The following GAS2 variants were observed in gnomAD, a reference collection of about 807,000 sequenced individuals.
The protein encoded by GAS2 is growth arrest specific 2, also known as growth arrest-specific protein 2.
Under a neutral mutation model 37.5 loss-of-function variants are expected in GAS2, and 20 were observed. The observed-to-expected ratio is 0.53, with a 90% CI of 0.37 to 0.77. The LOEUF is 0.77. Ranked by LOEUF, GAS2 falls within the 30% of genes least tolerant of loss-of-function variation. The probability of loss-of-function intolerance (pLI) is 0.00; values close to 1 mark genes in which losing one functional copy is unlikely to be tolerated. For synonymous variants in GAS2, 144 were observed against 132.2 expected (o/e 1.09, Z -0.61); for missense variants, 336 against 373.4 (o/e 0.90, Z 0.82).
At chr11:22,701,477 G>A (rs950482180) in intron 3 of GAS2, among the ~76,000 whole-genome samples, 1 of 152,060 alleles carries the variant, frequency 6.6e-6, no homozygotes, top group Non-Finnish European at 1.5e-5. Context: ...TCTCTATTAG[G>A]AAGAAATGTG....
At chr11:22,644,631 T>C (rs879278914) in intron 1 of GAS2, among the ~76,000 whole-genome samples, 3 of 152,162 alleles carry the variant, frequency 2.0e-5, no homozygotes, top group Non-Finnish European at 2.9e-5. Flanking sequence ...TGTTTGTTTT[T>C]CATTTTTGAG....
intron 5 of GAS2, among the ~76,000 whole-genome samples, chr11:22,745,369 C>G (rs1053272070): frequency 6.6e-6 from 1 of 152,036 alleles, no homozygotes; most frequent in East Asian, 1.9e-4. Flanking sequence ...AGAAAGGACT[C>G]TCTTATTCAA....
chr11:22,755,766 G>T, intron 6 of GAS2, 80 bp from the exon 7 acceptor site: 2 of 913,118 alleles, frequency 2.2e-6, no homozygotes, highest in East Asian at 4.9e-5. Flanking sequence ...AAGGGTTCAG[G>T]GGCCGTGGAG....
intron 1 of GAS2, among the ~76,000 whole-genome samples, chr11:22,627,508 A>T (rs1300900301): frequency 1.3e-5 from 2 of 152,214 alleles, no homozygotes; most frequent in African/African-American, 4.8e-5. Context: ...TTATGCCTGT[A>T]ATCCCAGCAC....
chr11:22,643,600 A>G (rs559645293), intron 1 of GAS2, among the ~76,000 whole-genome samples: 1 of 152,252 alleles, frequency 6.6e-6, no homozygotes, highest in East Asian at 1.9e-4. Context: ...AAATGGAAAG[A>G]ACTTACTAAG....
At chr11:22,706,020 G>A (rs1313620322) in intron 3 of GAS2, among the ~76,000 whole-genome samples, 1 of 152,292 alleles carries the variant, frequency 6.6e-6, no homozygotes, top group South Asian at 2.1e-4. Context: ...GGAAGTAAAG[G>A]AAAGCAAGTA....
intron 7 of GAS2, among the ~76,000 whole-genome samples, chr11:22,761,068 T>A (rs907133731): frequency 6.6e-6 from 1 of 152,178 alleles, no homozygotes; most frequent in African/African-American, 2.4e-5. Context: ...CCTTTACTAT[T>A]TTCTCTCTCC....
At chr11:22,784,138 T>G in intron 7 of GAS2, among the ~76,000 whole-genome samples, 1 of 152,144 alleles carries the variant, frequency 6.6e-6, no homozygotes, top group East Asian at 1.9e-4. Context: ...CTCATTTTGG[T>G]TTCATATGAA....
intron 1 of GAS2, among the ~76,000 whole-genome samples, chr11:22,649,425 G>A (rs1346390792): frequency 1.3e-5 from 2 of 152,010 alleles, no homozygotes; most frequent in African/African-American, 2.4e-5. Flanking sequence ...GATGATGCTG[G>A]CCTCATAAAA....
chr11:22,645,432 G>A (rs1014031677), intron 1 of GAS2, among the ~76,000 whole-genome samples: 3 of 151,996 alleles, frequency 2.0e-5, no homozygotes, highest in African/African-American at 4.8e-5. Flanking sequence ...GCTTGAACCC[G>A]GGAGGCAGAG....
chr11:22,714,801 T>A (rs1234633659), intron 3 of GAS2, among the ~76,000 whole-genome samples: 1 of 152,120 alleles, frequency 6.6e-6, no homozygotes, highest in African/African-American at 2.4e-5. Context: ...GAAAATTAAA[T>A]TCTTTGAACT....
intron 1 of GAS2, among the ~76,000 whole-genome samples, chr11:22,633,574 G>A (rs548284062): frequency 3.8e-4 from 58 of 152,306 alleles, no homozygotes; most frequent in African/African-American, 1.3e-3. Flanking sequence ...GTGTTCATGG[G>A]TAAAAACAGG....
rs1857247227 is a variant in GAS2, at chr11:22,812,780, C to T, written c.*764C>T. 1 of 152,430 alleles carries T rather than the reference C, an allele frequency of 6.6e-6. No homozygotes were observed. The highest frequency in any genetic ancestry group is 1.5e-5 in the Non-Finnish European group (1 of 67,982). 9.4% of individuals were successfully genotyped at this position (152,430 alleles called of 1,614,324 possible). On this transcript the variant is annotated 3_prime_UTR_variant, in exon 8 of 8. Transcript: ENST00000454584. Reference sequence around the variant, plus strand: ...CGAGTAAATTGTACAGTCAAATGTTCATTGATTTCATGTTATTTCAAAGCA... The same window carrying T: ...CGAGTAAATTGTACAGTCAAATGTTTATTGATTTCATGTTATTTCAAAGCA...
At chr11:22,704,609 A>ATT (rs1183441990) in intron 3 of GAS2, among the ~76,000 whole-genome samples, 1 of 142,484 alleles carries the variant, frequency 7.0e-6, no homozygotes. Flanking sequence ...ATATATATAT[A>ATT]TATATATATA....
chr11:22,664,402 T>C (rs903280823), upstream of GAS2, among the ~76,000 whole-genome samples: 2 of 152,180 alleles, frequency 1.3e-5, no homozygotes, highest in African/African-American at 4.8e-5. Context: ...AAATTCATGT[T>C]TGAGACAATG....
chr11:22,719,484 C>T (rs1008399084), intron 3 of GAS2, among the ~76,000 whole-genome samples: 9 of 152,064 alleles, frequency 5.9e-5, no homozygotes, highest in African/African-American at 2.2e-4. Flanking sequence ...TACATTAACA[C>T]ATTGTCACCC....
At chr11:22,637,441 T>G (rs1194658844) in intron 1 of GAS2, among the ~76,000 whole-genome samples, 3 of 35,706 alleles carry the variant, frequency 8.4e-5, no homozygotes, top group Non-Finnish European at 1.3e-4. Context: ...AATAGTATAC[T>G]TAATATAATA....
At chr11:22,649,313 G>T (rs1008213170) in intron 1 of GAS2, among the ~76,000 whole-genome samples, 19 of 152,004 alleles carry the variant, frequency 1.2e-4, no homozygotes, top group Admixed American at 7.2e-4. Context: ...GCTGGATTCG[G>T]TTTGCCAGTA....
intron 1 of GAS2, among the ~76,000 whole-genome samples, chr11:22,640,282 G>A (rs1161295281): frequency 6.6e-6 from 1 of 152,140 alleles, no homozygotes; most frequent in Non-Finnish European, 1.5e-5. Context: ...AATAATAGAT[G>A]TAACAATGTA....
Sources: allele counts gnomAD v4.1 joint callset (sites outside exome capture counted in the v4.1 genomes callset), GRCh38; gene constraint gnomAD v4.1.1; transcripts MANE v1.5; gene names NCBI Gene and HGNC (gene_info 2026-07-23, HGNC 2026-07-21).